Variants in FAM13A observed in about 807,000 individuals in gnomAD.
The protein encoded by FAM13A is protein FAM13A.
Under a neutral mutation model 129.6 loss-of-function variants are expected in FAM13A, and 76 were observed. That is an observed-to-expected ratio of 0.59 (90% confidence interval 0.49 to 0.71). The LOEUF (loss-of-function observed/expected upper bound fraction) is 0.71. Among genes scored for constraint, FAM13A ranks in the 30% least tolerant of loss-of-function variants. The pLI is 0.00. For synonymous variants in FAM13A, 443 were observed against 449.9 expected, an observed-to-expected ratio of 0.98 and a Z score of 0.20; for missense variants, 1,108 against 1,249.3, an observed-to-expected ratio of 0.89 and a Z score of 1.70.
At chr4:88,913,225 A>AGAAGAACAG (rs1561318531) in intron 5 of FAM13A, among the ~76,000 whole-genome samples, 1 of 81,392 alleles carries the variant, frequency 1.2e-5, no homozygotes, top group African/African-American at 3.9e-5. Context: ...AGGAAGAGGA[A>AGAAGAACAG]GAGGAAGAAG....
At chr4:88,886,163 TG>T (rs1487877223) in intron 6 of FAM13A, among the ~76,000 whole-genome samples, 1 of 152,226 alleles carries the variant, frequency 6.6e-6, no homozygotes, top group East Asian at 1.9e-4. Context: ...ATCCCACTAC[TG>T]GGTATCTACC....
chr4:88,737,546 AG>A lies in FAM13A; in HGVS notation c.2571del (p.Ser858ProfsTer24). ...RANTIPIIGSPSSKRRSPLLQ... is the reference protein window; with the variant it reads ...RANTIPIIGSXSSKRRSPLLQ... ...AGCAAAGGGCTTCTCCGCTTGCTGG[AG>A]GGGGAACCCTGTGACAGGTGTTAAC... On this transcript the variant is annotated frameshift_variant, in exon 21 of 24. Transcript: ENST00000264344. LOFTEE classifies it high-confidence loss of function. 6.2e-7 allele frequency: 1 copy of A among 1,613,988 alleles called. No homozygotes were observed. The highest frequency in any genetic ancestry group is 8.5e-7 in the Non-Finnish European group (1 of 1,179,862).
intron 1 of FAM13A, among the ~76,000 whole-genome samples, chr4:89,055,634 T>C (rs1391406553): frequency 6.6e-6 from 1 of 152,178 alleles, no homozygotes; most frequent in Non-Finnish European, 1.5e-5. Flanking sequence ...TTCTGTATTG[T>C]TTCTTTTATA....
intron 3 of FAM13A, among the ~76,000 whole-genome samples, chr4:88,995,786 C>G (rs1445956713): frequency 6.6e-6 from 1 of 152,144 alleles, no homozygotes; most frequent in Non-Finnish European, 1.5e-5. Context: ...TTAGTTCTGT[C>G]CCTTTAGAGA....
intron 6 of FAM13A, among the ~76,000 whole-genome samples, chr4:88,882,067 A>G (rs1743666688): frequency 6.6e-6 from 1 of 152,224 alleles, no homozygotes; most frequent in Non-Finnish European, 1.5e-5. Flanking sequence ...TTGAGGGAAT[A>G]ACCGAGGAAA....
intron 6 of FAM13A, among the ~76,000 whole-genome samples, chr4:88,894,766 C>T (rs900378113): frequency 1.3e-5 from 2 of 152,186 alleles, no homozygotes; most frequent in Non-Finnish European, 2.9e-5. Flanking sequence ...ACGTGATCCA[C>T]CCACCTCAGC....
chr4:88,967,466 T>C (rs1759502129), intron 4 of FAM13A, among the ~76,000 whole-genome samples: 1 of 152,218 alleles, frequency 6.6e-6, no homozygotes, highest in African/African-American at 2.4e-5. Context: ...ACCAAATTCG[T>C]TTATGAGCAC....
At chr4:88,843,130 T>C (rs1162662507) in intron 7 of FAM13A, among the ~76,000 whole-genome samples, 2 of 152,228 alleles carry the variant, frequency 1.3e-5, no homozygotes, top group Non-Finnish European at 2.9e-5. Context: ...ATATTTCTTC[T>C]AATCCAGTTT....
chr4:88,859,938 C>CA (rs1375311003), intron 6 of FAM13A, among the ~76,000 whole-genome samples: 24 of 152,234 alleles, frequency 1.6e-4, no homozygotes, highest in African/African-American at 5.5e-4. Flanking sequence ...ACAGAAGAGG[C>CA]AATTAATGAA....
intron 8 of FAM13A, among the ~76,000 whole-genome samples, chr4:88,802,660 C>T (rs537820847): frequency 9.2e-5 from 14 of 152,236 alleles, no homozygotes; most frequent in African/African-American, 3.1e-4. Flanking sequence ...ATGACTGAAA[C>T]GGCCTCTCTG....
At chr4:88,813,563 A>C (rs1730081178) in intron 7 of FAM13A, among the ~76,000 whole-genome samples, 1 of 152,218 alleles carries the variant, frequency 6.6e-6, no homozygotes, top group Admixed American at 6.5e-5. Flanking sequence ...TCTTTCAATT[A>C]TTACCTTATT....
intron 4 of FAM13A, among the ~76,000 whole-genome samples, chr4:88,946,401 C>CTTTTTTTTTTTTTT (rs3067813): frequency 1.1e-5 from 1 of 91,716 alleles, no homozygotes; most frequent in African/African-American, 4.4e-5. Context: ...CTCCCGCGTT[C>CTTTTTTTTTTTTTT]TTTTTTTTTT....
intron 14 of FAM13A, among the ~76,000 whole-genome samples, chr4:88,754,988 A>G (rs1578504451): frequency 6.6e-6 from 1 of 152,206 alleles, no homozygotes; most frequent in African/African-American, 2.4e-5. Context: ...TTACTAATTC[A>G]CTACCCTACC....
intron 4 of FAM13A, among the ~76,000 whole-genome samples, chr4:88,983,553 C>A (rs1761897815): frequency 6.6e-6 from 1 of 152,048 alleles, no homozygotes; most frequent in Non-Finnish European, 1.5e-5. Flanking sequence ...TCTAGAATAG[C>A]ATCTAAAAGA....
rs372969495 is a variant in FAM13A, at chr4:89,056,775, C to G, written c.27+163G>C. ...ATGCTGAATGCCATCCCAAATCCTG[C>G]CTAATACCCATTTAAGTAGATAGGA... On this transcript the variant is annotated intron_variant, in intron 1 of 23. Transcript: ENST00000264344. 3.9e-3 allele frequency among the ~76,000 whole-genome samples: 590 copies of G among 152,246 alleles called. 25 individuals carry two copies. The South Asian group carries it at 0.11, about 28-fold the overall frequency.
At chr4:88,856,567 T>C (rs1006634686) in intron 6 of FAM13A, among the ~76,000 whole-genome samples, 2 of 152,210 alleles carry the variant, frequency 1.3e-5, no homozygotes, top group Non-Finnish European at 2.9e-5. Context: ...CTGTGTTCTT[T>C]TCATGGACTC....
chr4:88,942,392 C>T lies in FAM13A; in HGVS notation c.606-4151G>A, dbSNP rs181206147. On this transcript the variant is annotated intron_variant, in intron 4 of 23. Transcript: ENST00000264344. ...GACCAGATTGGGCAACATGGTGAAA[C>T]CCCGTCTCTACTAAAAATACAAACA... 1.3e-3 allele frequency among the ~76,000 whole-genome samples: 198 copies of T among 151,864 alleles called. 2 individuals are homozygous for T. The highest frequency in any genetic ancestry group is 4.2e-3 in the African/African-American group (174 of 41,392).
chr4:88,983,490 A>G (rs1464457046), intron 4 of FAM13A, among the ~76,000 whole-genome samples: 3 of 152,326 alleles, frequency 2.0e-5, no homozygotes, highest in Non-Finnish European at 4.4e-5. Context: ...AATTAAAACT[A>G]TATTGGTATT....
chr4:88,773,432 T>A (rs1560953113), intron 11 of FAM13A, among the ~76,000 whole-genome samples: 1 of 152,202 alleles, frequency 6.6e-6, no homozygotes, highest in East Asian at 1.9e-4. Context: ...TAGCTGTGGG[T>A]TAGCTAGATA....
Sources: gnomAD v4.1 joint callset for allele counts (sites outside exome capture counted in the v4.1 genomes callset) on GRCh38, gnomAD v4.1.1 for gene constraint, MANE v1.5 for transcripts, NCBI Gene and HGNC (gene_info 2026-07-23, HGNC 2026-07-21) for gene names.